Variants in OSTF1 observed in about 807,000 individuals in gnomAD.
The protein encoded by OSTF1 is osteoclast stimulating factor 1, also known as osteoclast-stimulating factor 1.
A neutral mutation model predicts 37.2 loss-of-function variants in OSTF1; 27 were observed. That is an observed-to-expected ratio of 0.73 (90% CI 0.54 to 1.00). The LOEUF is 1.00. Ranked by LOEUF, OSTF1 falls within the 50% of genes least tolerant of loss-of-function variation. The pLI is 0.00. For synonymous variants in OSTF1, 82 were observed against 89.2 expected, an observed-to-expected ratio of 0.92 and a Z score of 0.46; for missense variants, 232 against 253.8, an observed-to-expected ratio of 0.91 and a Z score of 0.58.
At chr9:75,099,452 A>C (rs899444751) in intron 1 of OSTF1, among the ~76,000 whole-genome samples, 1 of 151,532 alleles carries the variant, frequency 6.6e-6, no homozygotes. Flanking sequence ...GGGGTCCCAC[A>C]GTGTTGCCCA....
intron 1 of OSTF1, 46 bp downstream of exon 1, chr9:75,088,772 G>C: frequency 6.4e-7 from 1 of 1,565,472 alleles, no homozygotes; most frequent in Non-Finnish European, 8.7e-7. Flanking sequence ...CGACCGCCGC[G>C]GTGCCGGCGC....
chr9:75,108,139 C>T (rs1240304919), intron 1 of OSTF1, among the ~76,000 whole-genome samples: 1 of 152,010 alleles, frequency 6.6e-6, no homozygotes, highest in Non-Finnish European at 1.5e-5. Flanking sequence ...GCAGGAGGAT[C>T]TCTTGAGCCT....
chr9:75,110,470 C>A (rs1288777184), intron 1 of OSTF1, among the ~76,000 whole-genome samples: 1 of 152,100 alleles, frequency 6.6e-6, no homozygotes, highest in African/African-American at 2.4e-5. Flanking sequence ...CTGAATACAC[C>A]ACAGTTGATT....
intron 1 of OSTF1, among the ~76,000 whole-genome samples, chr9:75,092,424 A>C (rs1390628331): frequency 1.3e-5 from 2 of 152,182 alleles, no homozygotes; most frequent in Non-Finnish European, 2.9e-5. Flanking sequence ...CAGGAACAAT[A>C]ATCTATGGTG....
At chr9:75,111,811 CTTTTTTTTTTTTTTTT>C (rs535464490) in intron 1 of OSTF1, among the ~76,000 whole-genome samples, 4 of 52,158 alleles carry the variant, frequency 7.7e-5, no homozygotes, top group East Asian at 1.3e-3. Context: ...ATGTTTACTG[CTTTTTTTTTTTTTTTT>C]TTTTTTTTTT....
At chr9:75,123,291 A>G (rs1825609566) in intron 2 of OSTF1, among the ~76,000 whole-genome samples, 1 of 152,198 alleles carries the variant, frequency 6.6e-6, no homozygotes, top group Non-Finnish European at 1.5e-5. Context: ...GCGAGGTGGC[A>G]GGCACCTGTA....
intron 9 of OSTF1, among the ~76,000 whole-genome samples, chr9:75,141,783 T>A (rs1825948412): frequency 6.6e-6 from 1 of 152,244 alleles, no homozygotes; most frequent in African/African-American, 2.4e-5. Flanking sequence ...AGTCTTACTC[T>A]GTTGCTCAGC....
At chr9:75,115,925 G>A (rs963705154) in intron 1 of OSTF1, among the ~76,000 whole-genome samples, 7 of 151,938 alleles carry the variant, frequency 4.6e-5, no homozygotes, top group Non-Finnish European at 7.4e-5. Flanking sequence ...CCAACATGGC[G>A]AAACCCCATC....
intron 1 of OSTF1, among the ~76,000 whole-genome samples, chr9:75,114,464 A>G (rs1825446386): frequency 6.6e-6 from 1 of 152,202 alleles, no homozygotes; most frequent in Non-Finnish European, 1.5e-5. Context: ...TAGCACAGAT[A>G]CAGAACTTTT....
At chr9:75,101,677 G>A (rs1825196075) in intron 1 of OSTF1, among the ~76,000 whole-genome samples, 1 of 152,038 alleles carries the variant, frequency 6.6e-6, no homozygotes, top group Non-Finnish European at 1.5e-5. Context: ...TCCAAAGTTT[G>A]TATTATTTTA....
intron 1 of OSTF1, among the ~76,000 whole-genome samples, chr9:75,094,762 G>C (rs1215396317): frequency 6.6e-6 from 1 of 152,178 alleles, no homozygotes; most frequent in East Asian, 1.9e-4. Context: ...AAAATGTACA[G>C]GCCAGGCACA....
intron 3 of OSTF1, 90 bp from the exon 4 acceptor site, chr9:75,130,488 A>G: frequency 1.2e-6 from 1 of 860,386 alleles, no homozygotes; most frequent in Non-Finnish European, 2.0e-6. Context: ...CATTTTGTAG[A>G]ACAGGTACTC....
chr9:75,101,160 A>T (rs1825186188), intron 1 of OSTF1, among the ~76,000 whole-genome samples: 1 of 152,052 alleles, frequency 6.6e-6, no homozygotes, highest in Non-Finnish European at 1.5e-5. Flanking sequence ...GACTCTCAGG[A>T]CCGGGCCAAG....
At chr9:75,114,902 C>T (rs950687633) in intron 1 of OSTF1, among the ~76,000 whole-genome samples, 1 of 152,198 alleles carries the variant, frequency 6.6e-6, no homozygotes, top group African/African-American at 2.4e-5. Context: ...CTTCATGCTT[C>T]ATTCATTCCA....
chr9:75,143,778 C>T (rs1224353683), intron 9 of OSTF1, among the ~76,000 whole-genome samples: 2 of 152,158 alleles, frequency 1.3e-5, no homozygotes, highest in Non-Finnish European at 2.9e-5. Flanking sequence ...AGATACATTC[C>T]TATGCGTGCT....
At chr9:75,134,003 G>T (rs984601779) in intron 6 of OSTF1, among the ~76,000 whole-genome samples, 5 of 152,072 alleles carry the variant, frequency 3.3e-5, no homozygotes, top group Non-Finnish European at 5.9e-5. Context: ...AAATAGCAGT[G>T]CCAAAGGAAA....
chr9:75,088,934 A>G (rs952881202), intron 1 of OSTF1, among the ~76,000 whole-genome samples: 1 of 149,284 alleles, frequency 6.7e-6, no homozygotes, highest in African/African-American at 2.5e-5. Flanking sequence ...TCGAGGATTA[A>G]TATATATATA....
intron 1 of OSTF1, among the ~76,000 whole-genome samples, chr9:75,098,807 A>G (rs768138802): frequency 6.6e-6 from 1 of 152,230 alleles, no homozygotes; most frequent in Non-Finnish European, 1.5e-5. Flanking sequence ...ATTTGATTCC[A>G]GAGAGGAGGG....
Position 75,142,501 on chromosome 9 carries a change from C to G in OSTF1, c.586+1569C>G, listed in dbSNP as rs533271528. 3.9e-5 allele frequency among the ~76,000 whole-genome samples: 6 copies of G among 152,150 alleles called. No individual in the cohort carries two copies. In the East Asian group the frequency reaches 1.2e-3, roughly 29 times the overall value. On this transcript the variant is annotated intron_variant, in intron 9 of 9. Coordinates refer to ENST00000346234, the MANE Select transcript of OSTF1 (RefSeq NM_012383.5). ...CAGAGTCTAATGCATGCTATGAGCT[C>G]CATTTTGATAGACAAGGCATATACC...
Sources: allele counts gnomAD v4.1 joint callset (sites outside exome capture counted in the v4.1 genomes callset), GRCh38; gene constraint gnomAD v4.1.1; transcripts MANE v1.5; gene names NCBI Gene and HGNC (gene_info 2026-07-23, HGNC 2026-07-21).